The following PRKCA variants were observed in gnomAD, a reference collection of about 807,000 sequenced individuals.
PRKCA encodes protein kinase C alpha.
A neutral mutation model predicts 87.0 loss-of-function variants in PRKCA; 27 were observed. The ratio of observed to expected loss-of-function variants is 0.31; its 90% CI spans 0.23 to 0.43. The LOEUF (loss-of-function observed/expected upper bound fraction) is 0.43, where lower values mean the gene tolerates loss of function less well. Among genes scored for constraint, PRKCA ranks in the 20% least tolerant of loss-of-function variants. PRKCA has a pLI of 1.00. For synonymous variants in PRKCA, 329 were observed against 311.1 expected (o/e 1.06, Z -0.61); for missense variants, 518 against 852.3 (o/e 0.61, Z 4.88).
intron 2 of PRKCA, among the ~76,000 whole-genome samples, chr17:66,335,309 T>A (rs925493838): frequency 2.0e-5 from 3 of 152,068 alleles, no homozygotes; most frequent in Non-Finnish European, 4.4e-5. Context: ...TTTTGATTTT[T>A]TTTTTAGTGG....
At chr17:66,594,900 G>A (rs966958786) in intron 3 of PRKCA, among the ~76,000 whole-genome samples, 1 of 152,288 alleles carries the variant, frequency 6.6e-6, no homozygotes, top group East Asian at 1.9e-4. Context: ...GTCTGTGTTA[G>A]TTTCCTAGGG....
intron 3 of PRKCA, among the ~76,000 whole-genome samples, chr17:66,587,324 A>T (rs143643008): frequency 6.6e-6 from 1 of 152,184 alleles, no homozygotes; most frequent in South Asian, 2.1e-4. Flanking sequence ...AGCATGTGCA[A>T]ATCTGTCTAG....
chr17:66,506,291 G>A (rs981790826), intron 3 of PRKCA, among the ~76,000 whole-genome samples: 5 of 145,574 alleles, frequency 3.4e-5, no homozygotes, highest in South Asian at 2.2e-4. Context: ...GTGAGACCCC[G>A]TCTAAAAAAA....
chr17:66,761,821 C>A (rs2144298188), intron 13 of PRKCA, among the ~76,000 whole-genome samples: 1 of 152,122 alleles, frequency 6.6e-6, no homozygotes, highest in East Asian at 1.9e-4. Flanking sequence ...TCTTGGATAT[C>A]GTATCTTAGC....
chr17:66,478,364 C>T (rs1915624260), intron 2 of PRKCA, among the ~76,000 whole-genome samples: 1 of 152,164 alleles, frequency 6.6e-6, no homozygotes, highest in Non-Finnish European at 1.5e-5. Flanking sequence ...AAGTGATTCT[C>T]CTGCCTCAGC....
intron 3 of PRKCA, among the ~76,000 whole-genome samples, chr17:66,578,163 C>G (rs1037193190): frequency 6.6e-6 from 1 of 151,936 alleles, no homozygotes; most frequent in African/African-American, 2.4e-5. Context: ...AACAAAACAG[C>G]CCTCATTGTC....
At chr17:66,650,754 T>C (rs1356921404) in intron 5 of PRKCA, among the ~76,000 whole-genome samples, 1 of 152,228 alleles carries the variant, frequency 6.6e-6, no homozygotes, top group Non-Finnish European at 1.5e-5. Context: ...ACCCTCATCT[T>C]ATTGTAATTA....
At chr17:66,563,463 T>C (rs1012438866) in intron 3 of PRKCA, among the ~76,000 whole-genome samples, 1 of 152,252 alleles carries the variant, frequency 6.6e-6, no homozygotes, top group African/African-American at 2.4e-5. Flanking sequence ...CTTAGTAATA[T>C]GCACTTTAGT....
At chr17:66,433,450 G>GGAT (rs1913206586) in intron 2 of PRKCA, among the ~76,000 whole-genome samples, 3 of 152,346 alleles carry the variant, frequency 2.0e-5, no homozygotes, top group African/African-American at 7.2e-5. Flanking sequence ...CACCAAGTGA[G>GGAT]GATGCGTGTT....
chr17:66,356,609 G>C (rs1229413178), intron 2 of PRKCA, among the ~76,000 whole-genome samples: 1 of 152,150 alleles, frequency 6.6e-6, no homozygotes, highest in Non-Finnish European at 1.5e-5. Flanking sequence ...GGGTGACAGA[G>C]TGAGACTCCG....
chr17:66,308,946 A>G (rs1222848228), intron 2 of PRKCA, among the ~76,000 whole-genome samples: 1 of 151,956 alleles, frequency 6.6e-6, no homozygotes, highest in Non-Finnish European at 1.5e-5. Context: ...AGAATAACTC[A>G]TTCTCATTCA....
At chr17:66,675,359 G>A (rs942684486) in intron 5 of PRKCA, among the ~76,000 whole-genome samples, 3 of 152,146 alleles carry the variant, frequency 2.0e-5, no homozygotes, top group African/African-American at 7.2e-5. Flanking sequence ...ATCGCCTTGG[G>A]GGTTAGGATT....
At chr17:66,347,762 T>C (rs1019694592) in intron 2 of PRKCA, among the ~76,000 whole-genome samples, 3 of 152,052 alleles carry the variant, frequency 2.0e-5, no homozygotes, top group African/African-American at 7.2e-5. Context: ...TGGAAAACTT[T>C]ATTGTATTTC....
chr17:66,414,331 C>CCCTCTTTCTTCCTCCTGCTT (rs1231348429), intron 2 of PRKCA, among the ~76,000 whole-genome samples: 1 of 152,174 alleles, frequency 6.6e-6, no homozygotes, highest in Non-Finnish European at 1.5e-5. Context: ...CCTCCCTGCT[C>CCCTCTTTCTTCCTCCTGCTT]CCTCTTTCTT....
intron 2 of PRKCA, among the ~76,000 whole-genome samples, chr17:66,442,207 G>A (rs1567830991): frequency 6.6e-6 from 1 of 150,526 alleles, no homozygotes; most frequent in Non-Finnish European, 1.5e-5. Context: ...GGCTACAGGT[G>A]CCTGCCATGC....
rs551004040 is a variant in PRKCA at position 66,382,154 on chromosome 17, C to T, written c.205+76027C>T. ...GGAGAAAACCTGGTGTCCTGCCAAA[C>T]CTTGGCCTTCAGAGTGACCCTAGGG... On this transcript the variant is annotated intron_variant, in intron 2 of 16. Coordinates refer to ENST00000413366, the MANE Select transcript of PRKCA (RefSeq NM_002737.3). Among the ~76,000 whole-genome samples the T allele has an allele frequency of 2.5e-4, 38 of 152,200 alleles. 2 individuals are homozygous for T. In the South Asian group the frequency reaches 7.3e-3, roughly 29 times the overall value.
chr17:66,717,038 G>A (rs1292583501), intron 8 of PRKCA, among the ~76,000 whole-genome samples: 1 of 152,194 alleles, frequency 6.6e-6, no homozygotes, highest in African/African-American at 2.4e-5. Context: ...AAGCATTGTG[G>A]AAGAGCCTGA....
chr17:66,618,599 T>C (rs17686540), intron 3 of PRKCA, among the ~76,000 whole-genome samples: 7,056 of 152,282 alleles, frequency 0.046, 216 homozygotes, highest in Admixed American at 0.071. Context: ...TCTGGGACAT[T>C]GAATAGCTCT....
chr17:66,591,670 A>C (rs1281652661), intron 3 of PRKCA, among the ~76,000 whole-genome samples: 1 of 152,108 alleles, frequency 6.6e-6, no homozygotes, highest in Admixed American at 6.6e-5. Flanking sequence ...TTTTCCGTGT[A>C]AGGTTGGAAG....
Sources: gnomAD v4.1 joint callset for allele counts (sites outside exome capture counted in the v4.1 genomes callset) on GRCh38, gnomAD v4.1.1 for gene constraint, MANE v1.5 for transcripts, NCBI Gene and HGNC (gene_info 2026-07-23, HGNC 2026-07-21) for gene names.